The following NFIA variants were observed in gnomAD, a reference collection of about 807,000 sequenced individuals.
The protein encoded by NFIA is nuclear factor I A.
In NFIA, 8 loss-of-function variants were observed where a neutral mutation model predicts 62.8. The ratio of observed to expected loss-of-function variants is 0.13; its 90% confidence interval spans 0.07 to 0.23. NFIA has a LOEUF of 0.23. Among genes scored for constraint, NFIA ranks in the 10% least tolerant of loss-of-function variants. NFIA has a pLI of 1.00. For synonymous variants in NFIA, 235 were observed against 238.1 expected (o/e 0.99, Z 0.12); for missense variants, 410 against 642.1 (o/e 0.64, Z 3.91).
chr1:61,087,435 C>T (rs1646237262), intron 1 of NFIA, among the ~76,000 whole-genome samples: 3 of 151,010 alleles, frequency 2.0e-5, no homozygotes, highest in African/African-American at 7.3e-5. Context: ...GCAATTATGT[C>T]TTGGGCATAG....
upstream of NFIA, among the ~76,000 whole-genome samples, chr1:61,080,017 C>A (rs1044557270): frequency 6.6e-6 from 1 of 152,092 alleles, no homozygotes; most frequent in Non-Finnish European, 1.5e-5. Context: ...GCCTCCCCCC[C>A]TCCCTCCGCG....
chr1:61,211,443 AT>A (rs1013170867), intron 2 of NFIA, among the ~76,000 whole-genome samples: 7 of 152,174 alleles, frequency 4.6e-5, no homozygotes, highest in Non-Finnish European at 8.8e-5. Flanking sequence ...GTAACAGCTT[AT>A]TTTTTAAAAA....
chr1:61,457,317 A>G lies in NFIA; in HGVS notation c.*1997A>G, dbSNP rs1007443736. The G allele has an allele frequency of 1.3e-5, 2 of 152,210 alleles. No individual in the cohort carries two copies. The highest frequency in any genetic ancestry group is 4.8e-5 in the African/African-American group (2 of 41,450). 9.4% of individuals were successfully genotyped at this position (152,210 alleles called of 1,614,324 possible). A position where few individuals can be genotyped will look rare whatever the true frequency, so the allele number is the denominator to read the frequency against. ...AATTGTTGCACATGCTCCTCTATTG[A>G]AAGGGGTTTTTCCCTAGTCAAGCAT... On this transcript the variant is annotated 3_prime_UTR_variant, in exon 11 of 11. Transcript: ENST00000403491. The surrounding 1 kb of genome is among the most constrained non-coding windows in gnomAD (Gnocchi z 4.2).
intron 2 of NFIA, among the ~76,000 whole-genome samples, chr1:61,262,980 C>G (rs1656864200): frequency 6.6e-6 from 1 of 152,198 alleles, no homozygotes; most frequent in Non-Finnish European, 1.5e-5. Flanking sequence ...TGAATAAACT[C>G]TGATTCTTAC....
intron 1 of NFIA, among the ~76,000 whole-genome samples, chr1:61,084,249 A>T (rs141096920): frequency 2.4e-4 from 37 of 152,290 alleles, no homozygotes; most frequent in African/African-American, 8.7e-4. Flanking sequence ...TCCTCTCTAG[A>T]TTCTGGATTT....
At chr1:61,082,275 G>A (rs1329510119), upstream of NFIA, 4 of 374,244 alleles carry the variant, frequency 1.1e-5, no homozygotes, top group African/African-American at 2.1e-5. Context: ...GGAGAGAGCC[G>A]GGGAGCGAGC....
intron 2 of NFIA, among the ~76,000 whole-genome samples, chr1:61,113,967 A>G (rs1273815231): frequency 1.3e-5 from 2 of 152,094 alleles, no homozygotes; most frequent in African/African-American, 4.8e-5. Flanking sequence ...GTTTTTTTTG[A>G]AAGGATTAAT....
intron 2 of NFIA, among the ~76,000 whole-genome samples, chr1:61,092,601 C>G (rs555064368): frequency 1.3e-5 from 2 of 152,208 alleles, no homozygotes; most frequent in Non-Finnish European, 2.9e-5. Flanking sequence ...ATATTGTTCA[C>G]TTAATTATGC....
chr1:61,387,385 C>A (rs1163995436), intron 7 of NFIA, among the ~76,000 whole-genome samples: 3 of 152,054 alleles, frequency 2.0e-5, no homozygotes, highest in Non-Finnish European at 2.9e-5. Flanking sequence ...CCTTTTTCAC[C>A]CAGGCTTTGA....
At chr1:61,112,578 G>T (rs917967822) in intron 2 of NFIA, among the ~76,000 whole-genome samples, 19 of 152,096 alleles carry the variant, frequency 1.2e-4, no homozygotes, top group Admixed American at 1.1e-3. Context: ...AAAATTAAGG[G>T]TGTATATTAA....
At chr1:61,138,245 G>A (rs1446348220) in intron 2 of NFIA, among the ~76,000 whole-genome samples, 1 of 151,968 alleles carries the variant, frequency 6.6e-6, no homozygotes, top group East Asian at 1.9e-4. Flanking sequence ...ACAGGCACAC[G>A]CCACCACGTA....
intron 1 of NFIA, 66 bp downstream of exon 1, chr1:61,082,884 T>TG: frequency 1.8e-6 from 1 of 547,850 alleles, no homozygotes; most frequent in Non-Finnish European, 3.0e-6. Flanking sequence ...TGGGGCTGGG[T>TG]GGGGGGCACC....
At chr1:61,254,442 G>C (rs745640946) in intron 2 of NFIA, among the ~76,000 whole-genome samples, 9 of 152,166 alleles carry the variant, frequency 5.9e-5, no homozygotes, top group Non-Finnish European at 1.2e-4. Context: ...AACTCTAGAA[G>C]CATGTGTTAA....
chr1:61,156,867 A>G (rs528700118), intron 2 of NFIA, among the ~76,000 whole-genome samples: 3 of 152,252 alleles, frequency 2.0e-5, no homozygotes, highest in East Asian at 1.9e-4. Context: ...ATAATAGGGC[A>G]TGGCAACTCA....
intron 3 of NFIA, among the ~76,000 whole-genome samples, chr1:61,327,923 AT>A (rs564274026): frequency 8.0e-5 from 12 of 149,548 alleles, no homozygotes; most frequent in Admixed American, 2.0e-4. Flanking sequence ...AATATCTATT[AT>A]TTTTTTTTTA....
chr1:61,128,722 A>C (rs1336667049), intron 2 of NFIA, among the ~76,000 whole-genome samples: 1 of 152,138 alleles, frequency 6.6e-6, no homozygotes, highest in Non-Finnish European at 1.5e-5. Flanking sequence ...TAAAATGGAC[A>C]TTCATGGACA....
chr1:61,411,250 T>TG (rs949446924), intron 9 of NFIA, among the ~76,000 whole-genome samples: 13 of 151,468 alleles, frequency 8.6e-5, no homozygotes, highest in African/African-American at 2.7e-4. Context: ...AAGGCAGATG[T>TG]GGGGGAAAAA....
intron 3 of NFIA, among the ~76,000 whole-genome samples, chr1:61,329,381 ATTTTT>A (rs58955783): frequency 8.3e-6 from 1 of 119,870 alleles, no homozygotes. Flanking sequence ...TTTTAAAGTA[ATTTTT>A]TTTTTTTTTT....
At position 61,461,048 on chromosome 1, in the gene NFIA, T is replaced by C. The variant is rs983255326; in HGVS notation, c.*5728T>C. 6.6e-6 allele frequency: 1 copy of C among 152,220 alleles called. No individual in the cohort carries two copies. The allele number at this position is 152,220 out of a possible 1,614,324, so 9.4% of individuals were successfully genotyped here. The stretch of plus-strand genomic sequence containing the variant: ...TTTTCTTTTTCCTAGGGGACAAGCA[T>C]GGGTGTTTGATTTCAGAAATCAGTA... On this transcript the variant is annotated 3_prime_UTR_variant, in exon 11 of 11. Transcript: ENST00000403491.
Sources: gnomAD v4.1 joint callset for allele counts (sites outside exome capture counted in the v4.1 genomes callset) on GRCh38, gnomAD v4.1.1 for gene constraint, Gnocchi (gnomAD v3.1) non-coding constraint, MANE v1.5 for transcripts, NCBI Gene and HGNC (gene_info 2026-07-23, HGNC 2026-07-21) for gene names.